PCNX1: variants seen among roughly 807,000 people sequenced by gnomAD.
PCNX1 encodes pecanex 1.
Under a neutral mutation model 242.2 loss-of-function variants are expected in PCNX1, and 78 were observed. The ratio of observed to expected loss-of-function variants is 0.32; its 90% CI spans 0.27 to 0.39. PCNX1 has a LOEUF of 0.39. Ranked by LOEUF, PCNX1 falls within the 10% of genes least tolerant of loss-of-function variation. PCNX1 has a pLI of 1.00. For missense variants in PCNX1, 2,581 were observed against 2,856.5 expected (o/e 0.90, Z 2.20); for synonymous variants, 1,024 against 1,032.9 (o/e 0.99, Z 0.17).
In PCNX1 at chr14:71,043,368, C is replaced by G. The variant is rs555945082; in HGVS notation, c.3868-1765C>G. Among the ~76,000 whole-genome samples, 24 of 152,224 alleles carry G rather than the reference C, an allele frequency of 1.6e-4. 1 individual carries two copies. The highest frequency in any genetic ancestry group is 1.5e-3 in the Admixed American group (23 of 15,292). Reference sequence around the variant, plus strand: ...CCTCTAAGACTTGGGAAATTTTCAGCTATTATTTCCTTAAATAGGCTTTCT... The same window carrying G: ...CCTCTAAGACTTGGGAAATTTTCAGGTATTATTTCCTTAAATAGGCTTTCT... On this transcript the variant is annotated intron_variant, in intron 19 of 35. Transcript: ENST00000304743.
intron 5 of PCNX1, among the ~76,000 whole-genome samples, chr14:70,974,096 C>A (rs1053594111): frequency 6.6e-6 from 1 of 150,810 alleles, no homozygotes; most frequent in African/African-American, 2.4e-5. Flanking sequence ...TGGCTTCTTT[C>A]ATTTACCTTA....
At chr14:70,930,115 G>T (rs141014472) in intron 1 of PCNX1, among the ~76,000 whole-genome samples, 23 of 151,932 alleles carry the variant, frequency 1.5e-4, no homozygotes, top group Middle Eastern at 3.4e-3. Flanking sequence ...TGCATATGTT[G>T]TGTGTGTGTA....
chr14:70,915,517 C>G (rs994455191), intron 1 of PCNX1, among the ~76,000 whole-genome samples: 7 of 152,084 alleles, frequency 4.6e-5, no homozygotes, highest in African/African-American at 1.4e-4. Context: ...ATACTGTTTT[C>G]AAGTCTCCTA....
At chr14:70,911,135 G>C (rs1420463233) in intron 1 of PCNX1, among the ~76,000 whole-genome samples, 7 of 152,212 alleles carry the variant, frequency 4.6e-5, no homozygotes, top group African/African-American at 1.7e-4. Context: ...AACTGTAAGT[G>C]ATAATGACTG....
chr14:70,942,113 C>T (rs1274101843), intron 1 of PCNX1, among the ~76,000 whole-genome samples: 1 of 152,060 alleles, frequency 6.6e-6, no homozygotes, highest in Non-Finnish European at 1.5e-5. Flanking sequence ...CTTTGGCTTA[C>T]ACTCTGTGGG....
At chr14:70,998,604 A>G (rs1321422324) in intron 8 of PCNX1, among the ~76,000 whole-genome samples, 1 of 151,962 alleles carries the variant, frequency 6.6e-6, no homozygotes, top group Non-Finnish European at 1.5e-5. Flanking sequence ...TACAAAAAAT[A>G]GCCTGGCATG....
At chr14:71,058,611 A>G (rs1367413572) in intron 26 of PCNX1, among the ~76,000 whole-genome samples, 1 of 152,206 alleles carries the variant, frequency 6.6e-6, no homozygotes, top group African/African-American at 2.4e-5. Context: ...AAAGAGAAGG[A>G]AGTCAGATCT....
intron 1 of PCNX1, among the ~76,000 whole-genome samples, chr14:70,941,349 A>G (rs2140253540): frequency 6.6e-6 from 1 of 152,248 alleles, no homozygotes; most frequent in East Asian, 2.0e-4. Context: ...TCCTTCTAAC[A>G]GTCAGGACTC....
At chr14:71,038,452 C>T (rs1233845705) in intron 19 of PCNX1, among the ~76,000 whole-genome samples, 1 of 150,972 alleles carries the variant, frequency 6.6e-6, no homozygotes, top group Non-Finnish European at 1.5e-5. Flanking sequence ...GACATTTATG[C>T]AGCCAAAAAA....
chr14:70,989,798 C>A lies in PCNX1; in HGVS notation c.2444+1099C>A, dbSNP rs145559907. Among the ~76,000 whole-genome samples the A allele has an allele frequency of 3.3e-3, 503 of 152,262 alleles. 4 individuals carry two copies. The highest frequency in any genetic ancestry group is 0.02 in the Middle Eastern group (6 of 294). ...CTGCCTGCCTTGGCCTCGCAAAGTG[C>A]TGGAATTAGGGGCATGAGCCACTGC... On this transcript the variant is annotated intron_variant, in intron 7 of 35. Coordinates refer to ENST00000304743, the MANE Select transcript of PCNX1 (RefSeq NM_014982.3).
chr14:71,007,581 T>C (rs570083560), intron 8 of PCNX1, among the ~76,000 whole-genome samples: 4 of 152,290 alleles, frequency 2.6e-5, no homozygotes, highest in Admixed American at 1.3e-4. Context: ...CTTTGCTCTT[T>C]GTTAATCCAT....
intron 2 of PCNX1, among the ~76,000 whole-genome samples, chr14:70,961,436 A>G (rs1350484626): frequency 1.3e-5 from 2 of 152,198 alleles, no homozygotes; most frequent in African/African-American, 4.8e-5. Flanking sequence ...TATTTAATAA[A>G]TGGTGCTGGG....
At chr14:71,068,483 T>TAC (rs911658502) in intron 26 of PCNX1, among the ~76,000 whole-genome samples, 3 of 149,234 alleles carry the variant, frequency 2.0e-5, no homozygotes, top group Non-Finnish European at 3.0e-5. Context: ...TGCATATGTA[T>TAC]ACACACACAC....
intron 30 of PCNX1, among the ~76,000 whole-genome samples, chr14:71,094,044 T>C (rs2062207556): frequency 6.6e-6 from 1 of 152,204 alleles, no homozygotes; most frequent in Non-Finnish European, 1.5e-5. Flanking sequence ...TCATGGATTT[T>C]AGAGTGCATA....
chr14:71,061,005 G>A (rs1264714175), intron 26 of PCNX1, among the ~76,000 whole-genome samples: 1 of 152,172 alleles, frequency 6.6e-6, no homozygotes, highest in African/African-American at 2.4e-5. Flanking sequence ...AGCAGCTGAA[G>A]AATTTTTGGA....
intron 19 of PCNX1, among the ~76,000 whole-genome samples, chr14:71,036,879 A>G (rs539143104): frequency 1.1e-4 from 17 of 152,328 alleles, no homozygotes; most frequent in Admixed American, 5.9e-4. Context: ...TACCTTGGGC[A>G]GTATGGCCAT....
At chr14:70,911,314 T>G (rs1299165937) in intron 1 of PCNX1, among the ~76,000 whole-genome samples, 1 of 146,188 alleles carries the variant, frequency 6.8e-6, no homozygotes, top group Non-Finnish European at 1.5e-5. Flanking sequence ...TGTGGAGAGA[T>G]CGTACATTAA....
intron 26 of PCNX1, among the ~76,000 whole-genome samples, chr14:71,060,186 C>CCATT (rs2061290075): frequency 1.3e-5 from 2 of 152,124 alleles, no homozygotes; most frequent in Admixed American, 1.3e-4. Flanking sequence ...GACATCGTAG[C>CCATT]CATTCTGTCC....
At chr14:71,094,133 C>T (rs1217013715) in intron 30 of PCNX1, among the ~76,000 whole-genome samples, 1 of 152,128 alleles carries the variant, frequency 6.6e-6, no homozygotes, top group Non-Finnish European at 1.5e-5. Context: ...CAAATGTTTA[C>T]AGTGTTTTTA....
Sources: gnomAD v4.1 joint callset for allele counts (sites outside exome capture counted in the v4.1 genomes callset) on GRCh38, gnomAD v4.1.1 for gene constraint, MANE v1.5 for transcripts, NCBI Gene and HGNC (gene_info 2026-07-23, HGNC 2026-07-21) for gene names.